Variants in CUTC observed in about 807,000 individuals in gnomAD.
The protein encoded by CUTC is cutC copper transporter, also known as copper homeostasis protein cutC homolog.
In CUTC, 27 loss-of-function variants were observed where a neutral mutation model predicts 36.2. That is an observed-to-expected ratio of 0.75 (90% CI 0.55 to 1.03). CUTC has a LOEUF of 1.03. Among genes scored for constraint, CUTC ranks in the 50% least tolerant of loss-of-function variants. CUTC has a pLI of 0.00. For missense variants in CUTC, 315 were observed against 343.5 expected (o/e 0.92, Z 0.66); for synonymous variants, 114 against 118.3 (o/e 0.96, Z 0.24).
chr10:99,745,840 G>C (rs1273851359), intron 5 of CUTC, among the ~76,000 whole-genome samples: 1 of 152,248 alleles, frequency 6.6e-6, no homozygotes, highest in African/African-American at 2.4e-5. Context: ...CTGGGCGACA[G>C]AGCAAGACTG....
intron 1 of CUTC, among the ~76,000 whole-genome samples, chr10:99,732,754 G>T (rs1351706354): frequency 1.3e-5 from 2 of 152,154 alleles, no homozygotes; most frequent in Non-Finnish European, 2.9e-5. Context: ...ACTCCGCTGG[G>T]ATAGTTAATT....
intron 1 of CUTC, among the ~76,000 whole-genome samples, chr10:99,733,931 C>T (rs2133658622): frequency 6.6e-6 from 1 of 152,322 alleles, no homozygotes; most frequent in Non-Finnish European, 1.5e-5. Flanking sequence ...CCGGCAGCAT[C>T]AGCATCGGCC....
chr10:99,735,141 C>T (rs982530432), intron 1 of CUTC, among the ~76,000 whole-genome samples: 11 of 142,368 alleles, frequency 7.7e-5, no homozygotes, highest in African/African-American at 2.9e-4. Context: ...CTTAGGAACT[C>T]TAAGTCAAGT....
chr10:99,742,049 A>T (rs900328981), intron 3 of CUTC, among the ~76,000 whole-genome samples: 2 of 152,140 alleles, frequency 1.3e-5, no homozygotes, highest in African/African-American at 4.8e-5. Flanking sequence ...TGGGTCCCCC[A>T]TCCCTGTGCT....
At chr10:99,739,888 A>G (rs1017993993) in intron 3 of CUTC, 119 bp downstream of exon 3, 6 of 736,048 alleles carry the variant, frequency 8.2e-6, no homozygotes, top group African/African-American at 3.7e-5. Flanking sequence ...TGGATGTTGT[A>G]TCAGAAATGT....
chr10:99,747,383 T>C lies in CUTC; in HGVS notation c.566T>C (p.Ile189Thr). 1.2e-6 allele frequency: 2 copies of C among 1,614,198 alleles called. No individual in the cohort carries two copies. The highest frequency in any genetic ancestry group is 2.2e-5 in the East Asian group (1 of 44,882). ...LEGLPLIKRL[I>T]EQAKGRIVVM... ...GGGCTACCCCTAATAAAGCGACTCA[T>C]TGAGCAGGTACGTGGACTTTATCTT... is the stretch of plus-strand genomic sequence containing the variant. The change falls in exon 6 of 9, where the codon ATT becomes ACT. Residue 189 changes from isoleucine to threonine, a missense_variant. Physicochemically the swap from Ile to Thr is moderately conservative, Grantham distance 89. Coordinates refer to ENST00000370476, the MANE Select transcript of CUTC (RefSeq NM_015960.3).
At chr10:99,741,677 G>C (rs1252003240) in intron 3 of CUTC, among the ~76,000 whole-genome samples, 1 of 151,984 alleles carries the variant, frequency 6.6e-6, no homozygotes, top group East Asian at 1.9e-4. Flanking sequence ...CAATTGTCCT[G>C]CCTCAGCCTC....
At chr10:99,740,750 G>T (rs2037335352) in intron 3 of CUTC, among the ~76,000 whole-genome samples, 1 of 152,098 alleles carries the variant, frequency 6.6e-6, no homozygotes, top group East Asian at 1.9e-4. Context: ...TGTCCCAAAA[G>T]TCACTGATGA....
chr10:99,738,350 AT>A (rs2037313688), intron 2 of CUTC, among the ~76,000 whole-genome samples: 1 of 151,612 alleles, frequency 6.6e-6, no homozygotes, highest in South Asian at 2.1e-4. Context: ...ATATCGTCAA[AT>A]AACCCAGTTT....
chr10:99,749,805 GTTATACTTA>G (rs762235686), intron 6 of CUTC, among the ~76,000 whole-genome samples: 31 of 151,094 alleles, frequency 2.1e-4, no homozygotes, highest in Non-Finnish European at 3.3e-4. Flanking sequence ...TTTTTTCTTT[GTTATACTTA>G]TTGCTACCTG....
intron 2 of CUTC, among the ~76,000 whole-genome samples, chr10:99,738,141 G>A (rs1201036547): frequency 5.5e-5 from 8 of 146,344 alleles, no homozygotes; most frequent in Non-Finnish European, 7.5e-5. Flanking sequence ...GCAAAACTCC[G>A]TCTCAAAAAA....
intron 7 of CUTC, 67 bp from the exon 8 acceptor site, chr10:99,754,462 G>A (rs17112219): frequency 0.059 from 62,274 of 1,059,232 alleles, 2,434 homozygotes; most frequent in Non-Finnish European, 0.071. Flanking sequence ...GTAAGCAGTC[G>A]TTACTATTCC....
Position 99,743,381 on chromosome 10 carries a change from G to A in CUTC, c.403+19G>A. ...CTTATGGGTAAGAATTTGTATCTAA[G>A]ACGTAAAAGCCTCTAATGATAATTG... On this transcript the variant is annotated intron_variant, in intron 4 of 8. Coordinates refer to ENST00000370476, the MANE Select transcript of CUTC (RefSeq NM_015960.3). The A allele has an allele frequency of 6.3e-7, 1 of 1,594,498 alleles. No individual in the cohort carries two copies.
chr10:99,754,511 A>T lies in CUTC; in HGVS notation c.602-18A>T. On this transcript the variant is annotated intron_variant, in intron 7 of 8. Coordinates refer to ENST00000370476, the MANE Select transcript of CUTC (RefSeq NM_015960.3). ...AAAATTCTATTTTACTTAATGTGTT[A>T]CTTATTCTTTGCAACAGGAGGTGGT... 1.4e-6 allele frequency: 2 copies of T among 1,471,264 alleles called. No homozygotes were observed. Among genetic ancestry groups the T allele is most frequent in the Non-Finnish European group, 1.9e-6 (2 of 1,053,742 alleles). The allele number at this position is 1,471,264 out of a possible 1,614,324, so 91.1% of individuals were successfully genotyped here. A position where few individuals can be genotyped will look rare whatever the true frequency, so the allele number is the denominator to read the frequency against.
At chr10:99,735,527 C>G (rs2037290079) in intron 1 of CUTC, among the ~76,000 whole-genome samples, 1 of 152,154 alleles carries the variant, frequency 6.6e-6, no homozygotes, top group African/African-American at 2.4e-5. Context: ...CATGCCTCAG[C>G]CTCCCAAGTA....
At chr10:99,734,259 G>A (rs537648118) in intron 1 of CUTC, among the ~76,000 whole-genome samples, 76 of 151,962 alleles carry the variant, frequency 5.0e-4, no homozygotes, top group Non-Finnish European at 9.3e-4. Flanking sequence ...TAGTAGAGAT[G>A]GGGTTTCGCC....
At chr10:99,746,022 G>A (rs564965345) in intron 5 of CUTC, among the ~76,000 whole-genome samples, 13 of 152,320 alleles carry the variant, frequency 8.5e-5, no homozygotes, top group African/African-American at 3.1e-4. Flanking sequence ...TGAGTACAGT[G>A]TTTCATTCTA....
intron 1 of CUTC, 116 bp from the exon 2 acceptor site, chr10:99,736,130 T>A: frequency 1.3e-6 from 1 of 746,708 alleles, no homozygotes; most frequent in Admixed American, 2.1e-5. Context: ...AGTGTACTTA[T>A]CTATTACCTG....
At chr10:99,749,665 C>T (rs1446901848) in intron 6 of CUTC, among the ~76,000 whole-genome samples, 3 of 151,996 alleles carry the variant, frequency 2.0e-5, no homozygotes, top group African/African-American at 7.2e-5. Context: ...TTTGTTCAGG[C>T]CATTTGAGAA....
Sources: allele counts gnomAD v4.1 joint callset (sites outside exome capture counted in the v4.1 genomes callset), GRCh38; gene constraint gnomAD v4.1.1; transcripts MANE v1.5; gene names NCBI Gene and HGNC (gene_info 2026-07-23, HGNC 2026-07-21).